The following TMEM176B variants were observed in gnomAD, a reference collection of about 807,000 sequenced individuals.
TMEM176B encodes transmembrane protein 176B, also known as LR8-like protein.
Under a neutral mutation model 30.3 loss-of-function variants are expected in TMEM176B, and 28 were observed. The observed-to-expected ratio is 0.92, with a 90% CI of 0.68 to 1.27. The LOEUF is 1.27. Ranked by LOEUF, TMEM176B falls within the 50% of genes most tolerant of loss-of-function variation. The probability of loss-of-function intolerance (pLI) is 0.00; values close to 1 mark genes in which losing one functional copy is unlikely to be tolerated. For missense variants in TMEM176B, 349 were observed against 327.4 expected (o/e 1.07, Z -0.51); for synonymous variants, 123 against 130.3 (o/e 0.94, Z 0.38).
upstream of TMEM176B, chr7:150,800,551 G>T (rs1031196938): frequency 2.6e-5 from 4 of 152,378 alleles, no homozygotes; most frequent in African/African-American, 9.6e-5. Context: ...TTGCACGCCG[G>T]CCCTGGCCGG....
rs146845592 is a variant in TMEM176B at position 150,791,570 on chromosome 7, C to T, written c.774G>A (p.Ser258=). 1,127 of 1,613,800 alleles carry T rather than the reference C, an allele frequency of 7.0e-4. 2 individuals are homozygous for T. Among genetic ancestry groups the T allele is most frequent in the Non-Finnish European group, 7.2e-4 (852 of 1,179,916 alleles). Residue 258 remains serine (S), a synonymous_variant, in exon 7 of 7, where the codon TCG becomes TCA. Transcript: ENST00000326442. The part of the protein sequence containing the change: ...RLLGENSVPP[S]PSREQTSTAI... ...CAGTGGAGGTCTGCTCCCTAGAGGG[C>T]GAAGGGGGCACTGAATTCTCCCCCA...
At chr7:150,794,945 ACACC>A (rs1325481464) in intron 2 of TMEM176B, among the ~76,000 whole-genome samples, 1 of 115,884 alleles carries the variant, frequency 8.6e-6, no homozygotes, top group Non-Finnish European at 1.9e-5. Flanking sequence ...ACACACACAC[ACACC>A]TCTCGAATGG....
At chr7:150,793,836 G>A in intron 3 of TMEM176B, 125 bp downstream of exon 3, 1 of 948,730 alleles carries the variant, frequency 1.1e-6, no homozygotes, top group Non-Finnish European at 1.6e-6. Flanking sequence ...GCCTCCTCAT[G>A]GCCAAAGGCC....
At position 150,791,526 on chromosome 7, in the gene TMEM176B, G is replaced by A. The variant is rs1415540646; in HGVS notation, c.*5C>T. ...ATGCGGGCACCCCGTGGGGTCTTTG[G>A]CAGCTCACAGGACAATGGCAGTGGA... On this transcript the variant is annotated 3_prime_UTR_variant, in exon 7 of 7. Coordinates refer to ENST00000326442, the MANE Select transcript of TMEM176B (RefSeq NM_001101312.2). 6.2e-7 allele frequency: 1 copy of A among 1,613,086 alleles called. No individual in the cohort carries two copies. The highest frequency in any genetic ancestry group is 8.5e-7 in the Non-Finnish European group (1 of 1,179,712).
chr7:150,800,811 A>T (rs1215645651), upstream of TMEM176B: 5 of 559,116 alleles, frequency 8.9e-6, no homozygotes, highest in Admixed American at 1.3e-4. Flanking sequence ...GCCCGCTCGC[A>T]GGTCCCGAGG....
chr7:150,800,374 G>T (rs1363487496), upstream of TMEM176B: 5 of 152,270 alleles, frequency 3.3e-5, no homozygotes, highest in Non-Finnish European at 7.3e-5. Flanking sequence ...CGGGAGGGCG[G>T]AGACGGCAGA....
Position 150,792,120 on chromosome 7 carries a change from A to AT in TMEM176B, c.655dup (p.Ile219AsnfsTer24). On this transcript the variant is annotated frameshift_variant, in exon 6 of 7. Transcript: ENST00000326442. LOFTEE classifies it high-confidence loss of function. ...TACTCCCAAGGAAACCAAGGACACA[A>AT]TGACCTTCAAGACACAGACAGCCAG... 1 of 1,613,968 alleles carries AT rather than the reference A, an allele frequency of 6.2e-7. No homozygotes were observed. Among genetic ancestry groups the AT allele is most frequent in the Non-Finnish European group, 8.5e-7 (1 of 1,179,918 alleles).
chr7:150,793,554 C>T lies in TMEM176B; in HGVS notation c.362G>A (p.Gly121Asp), dbSNP rs750383322. 2.5e-6 allele frequency: 4 copies of T among 1,613,302 alleles called. No individual in the cohort carries two copies. In the African/African-American group the frequency reaches 5.3e-5, roughly 22 times the overall value. Residue 121 changes from glycine to aspartate, a missense_variant, in exon 4 of 7, where the codon GGC (glycine) becomes GAC (aspartate). By Grantham distance (94) the Gly-to-Asp change is moderately conservative (BLOSUM62 -1). Coordinates refer to ENST00000326442, the MANE Select transcript of TMEM176B (RefSeq NM_001101312.2). ...AGAIVHEKHP[G>D]KLAGYISSLL... is the part of the protein sequence containing the mutation. Reference sequence around the variant, plus strand: ...GTGTCCAAGACTCACAGCAAGTTTGCCCGGGTGCTTCTCATGGACAATGGC... The same window carrying T: ...GTGTCCAAGACTCACAGCAAGTTTGTCCGGGTGCTTCTCATGGACAATGGC...
rs1401071564 is a variant in TMEM176B, at chr7:150,791,447, G to C, written c.*84C>G. On this transcript the variant is annotated 3_prime_UTR_variant, in exon 7 of 7. Transcript: ENST00000326442. ...GAGGGTCTGGAGAGCGGCCATAGGG[G>C]AGGCAAGTGTGAGGAGCCAGGAGTG... 5.3e-6 allele frequency: 6 copies of C among 1,123,286 alleles called. No homozygotes were observed. In the African/African-American group the frequency reaches 9.5e-5, roughly 18 times the overall value. 69.6% of individuals were successfully genotyped at this position (1,123,286 alleles called of 1,614,324 possible).
chr7:150,796,316 C>T (rs1200109732), intron 2 of TMEM176B, 50 bp downstream of exon 2: 1 of 1,549,242 alleles, frequency 6.5e-7, no homozygotes, highest in East Asian at 2.2e-5. Flanking sequence ...TTTAATTGAC[C>T]TCATCACCTC....
chr7:150,796,527 A>G lies in TMEM176B; in HGVS notation c.43T>C (p.Ser15Pro). The G allele has an allele frequency of 6.2e-7, 1 of 1,614,206 alleles. No homozygotes were observed. The highest frequency in any genetic ancestry group is 8.5e-7 in the Non-Finnish European group (1 of 1,180,042). The change falls in exon 2 of 7, where the codon TCT becomes CCT. Residue 15 changes from serine to proline, a missense_variant. Ser to Pro is a moderately conservative substitution (Grantham distance 74, BLOSUM62 -1). Transcript: ENST00000326442. ...ACGTGGGTGGGCTGGGATGGCCTAG[A>G]GGCCATAGCAACTCCATTCACAATC... ...TVIVNGVAMASRPSQPTHVNV... is the reference protein window; with the variant it reads ...TVIVNGVAMAPRPSQPTHVNV...
At chr7:150,800,978 C>T, upstream of TMEM176B, 1 of 985,774 alleles carries the variant, frequency 1.0e-6, no homozygotes, top group Non-Finnish European at 1.2e-6. Flanking sequence ...GGTGCGGCCC[C>T]GGCTTTTGAC....
chr7:150,794,514 G>C (rs2116687528), intron 2 of TMEM176B, among the ~76,000 whole-genome samples: 2 of 152,156 alleles, frequency 1.3e-5, no homozygotes, highest in Admixed American at 1.3e-4. Flanking sequence ...GAAAGGGCTT[G>C]TTTGATTGCT....
In TMEM176B at chr7:150,792,156, C is replaced by A. The variant is rs138108608; in HGVS notation, c.620G>T (p.Arg207Leu). 4.3e-6 allele frequency: 7 copies of A among 1,613,516 alleles called. No homozygotes were observed. The highest frequency in any genetic ancestry group is 3.3e-5 in the Admixed American group (2 of 59,964). Residue 207 changes from arginine (R) to leucine (L), a missense_variant, in exon 6 of 7, where the codon CGT becomes CTT. By Grantham distance (102) the Arg-to-Leu change is moderately radical. Coordinates refer to ENST00000326442, the MANE Select transcript of TMEM176B (RefSeq NM_001101312.2). ...QMLRKLFTAI[R>L]ALFLAVCVLK... Reference sequence around the variant, plus strand: ...GACACAGACAGCCAGGAACAGGGCACGGATTGCTGTGAACAACTTCTGGAG... The same window carrying A: ...GACACAGACAGCCAGGAACAGGGCAAGGATTGCTGTGAACAACTTCTGGAG...
intron 6 of TMEM176B, 41 bp downstream of exon 6, chr7:150,792,015 C>T (rs756368516): frequency 6.2e-7 from 1 of 1,611,336 alleles, no homozygotes; most frequent in African/African-American, 1.3e-5. Context: ...CACTCACCAC[C>T]CAGACTCACG....
At chr7:150,793,021 G>T (rs1429840583) in intron 5 of TMEM176B, 67 bp downstream of exon 5, 1 of 1,516,696 alleles carries the variant, frequency 6.6e-7, no homozygotes, top group Non-Finnish European at 9.1e-7. Flanking sequence ...CTGTCCTCCA[G>T]GGCCCCCAGC....
At chr7:150,793,436 C>T (rs1798397197) in intron 4 of TMEM176B, 108 bp downstream of exon 4, 3 of 1,525,804 alleles carry the variant, frequency 2.0e-6, no homozygotes, top group Middle Eastern at 1.7e-4. Flanking sequence ...TCCTCCCCTC[C>T]AAGAAAGACC....
chr7:150,792,895 C>T (rs1798368257), intron 5 of TMEM176B, among the ~76,000 whole-genome samples, 193 bp downstream of exon 5: 1 of 152,088 alleles, frequency 6.6e-6, no homozygotes, highest in African/African-American at 2.4e-5. Context: ...TGTTCCTCAC[C>T]CTCCTTGATT....
rs1482692121 is a variant in TMEM176B, at chr7:150,793,216, A to T, written c.472T>A (p.Leu158Ile). 3 of 1,614,126 alleles carry T rather than the reference A, an allele frequency of 1.9e-6. No individual in the cohort carries two copies. Among genetic ancestry groups the T allele is most frequent in the African/African-American group, 1.3e-5 (1 of 74,936 alleles). Residue 158 changes from leucine (L) to isoleucine (I), a missense_variant, in exon 5 of 7, where the codon TTA becomes ATA. Coordinates refer to ENST00000326442, the MANE Select transcript of TMEM176B (RefSeq NM_001101312.2). ...NSFIWQTEPFLYIDTVCDRSD... is the reference protein window; with the variant it reads ...NSFIWQTEPFIYIDTVCDRSD... Reference sequence around the variant, plus strand: ...CGATCACACACAGTGTCGATGTATAAAAAGGGTTCAGTTTGCCAGATGAAG... The same window carrying T: ...CGATCACACACAGTGTCGATGTATATAAAGGGTTCAGTTTGCCAGATGAAG...
Sources: gnomAD v4.1 joint callset for allele counts (sites outside exome capture counted in the v4.1 genomes callset) on GRCh38, gnomAD v4.1.1 for gene constraint, MANE v1.5 for transcripts, NCBI Gene and HGNC (gene_info 2026-07-23, HGNC 2026-07-21) for gene names.